Variants in AVL9 observed in about 807,000 individuals in gnomAD.
The protein encoded by AVL9 is late secretory pathway protein AVL9 homolog.
A neutral mutation model predicts 79.2 loss-of-function variants in AVL9; 49 were observed. The ratio of observed to expected loss-of-function variants is 0.62; its 90% CI spans 0.49 to 0.79. AVL9 has a LOEUF of 0.79. Ranked by LOEUF, AVL9 falls within the 30% of genes least tolerant of loss-of-function variation. The pLI is 0.00. For synonymous variants in AVL9, 299 were observed against 280.6 expected, an observed-to-expected ratio of 1.07 and a Z score of -0.65; for missense variants, 682 against 776.8, an observed-to-expected ratio of 0.88 and a Z score of 1.45.
chr7:32,574,841 G>C (rs908135366), intron 12 of AVL9, among the ~76,000 whole-genome samples: 1 of 152,116 alleles, frequency 6.6e-6, no homozygotes, highest in Non-Finnish European at 1.5e-5. Flanking sequence ...AGTGTTCTTA[G>C]AACAACTTCT....
chr7:32,519,167 G>A (rs893627030), intron 1 of AVL9, among the ~76,000 whole-genome samples: 1 of 152,140 alleles, frequency 6.6e-6, no homozygotes, highest in Non-Finnish European at 1.5e-5. Flanking sequence ...GGTGGCTCAC[G>A]CCTGTAACCC....
chr7:32,577,220 A>T (rs1321470377), intron 13 of AVL9, among the ~76,000 whole-genome samples: 1 of 152,136 alleles, frequency 6.6e-6, no homozygotes, highest in Non-Finnish European at 1.5e-5. Flanking sequence ...CTATAGTCCC[A>T]GCTATTTGGG....
intron 1 of AVL9, among the ~76,000 whole-genome samples, chr7:32,517,262 C>G (rs1005822707): frequency 1.3e-5 from 2 of 151,044 alleles, no homozygotes; most frequent in Non-Finnish European, 2.9e-5. Context: ...AGCCCAAACG[C>G]TTTTCAAGTT....
intron 1 of AVL9, among the ~76,000 whole-genome samples, chr7:32,531,323 T>G (rs1788636510): frequency 7.2e-6 from 1 of 138,626 alleles, no homozygotes; most frequent in African/African-American, 2.8e-5. Flanking sequence ...ATAAGTTTTC[T>G]TTTTCTTTCT....
intron 1 of AVL9, among the ~76,000 whole-genome samples, chr7:32,514,665 A>G (rs914047879): frequency 1.3e-5 from 2 of 152,150 alleles, no homozygotes; most frequent in Non-Finnish European, 2.9e-5. Flanking sequence ...AAGTGATGAC[A>G]TTACCTTGTG....
intron 2 of AVL9, 74 bp from the exon 3 acceptor site, chr7:32,544,620 A>T: frequency 9.8e-7 from 1 of 1,017,166 alleles, no homozygotes; most frequent in Non-Finnish European, 1.5e-6. Context: ...CTGCATTATG[A>T]TAGCTTCAGA....
intron 1 of AVL9, among the ~76,000 whole-genome samples, chr7:32,508,377 T>G (rs1373809370): frequency 6.6e-6 from 1 of 152,230 alleles, no homozygotes; most frequent in African/African-American, 2.4e-5. Flanking sequence ...TAATTTAAAA[T>G]TTGTAGTATC....
At chr7:32,562,507 T>C in intron 10 of AVL9, 1 of 476,688 alleles carries the variant, frequency 2.1e-6, no homozygotes, top group African/African-American at 2.1e-5. Context: ...TTGAAATTTT[T>C]TAATAACTTA....
At position 32,587,016 on chromosome 7, in the gene AVL9, A is replaced by G. The variant is rs1215519417; in HGVS notation, c.*3109A>G. The G allele has an allele frequency of 6.6e-6, 1 of 152,204 alleles. No homozygotes were observed. Among genetic ancestry groups the G allele is most frequent in the Non-Finnish European group, 1.5e-5 (1 of 68,062 alleles). The allele number at this position is 152,204 out of a possible 1,614,324, so 9.4% of individuals were successfully genotyped here. A position where few individuals can be genotyped will look rare whatever the true frequency, so the allele number is the denominator to read the frequency against. On this transcript the variant is annotated 3_prime_UTR_variant, in exon 16 of 16. Transcript: ENST00000318709. ...CCCCGCCAAGCACAGCCCTAAAACA[A>G]TTCTCGTCCACTTTCCTGTTAAGAA...
At chr7:32,578,535 T>C (rs1451084049) in intron 13 of AVL9, among the ~76,000 whole-genome samples, 1 of 152,198 alleles carries the variant, frequency 6.6e-6, no homozygotes, top group Non-Finnish European at 1.5e-5. Context: ...TGGCCAGGCC[T>C]GGTGGCTCAC....
chr7:32,530,253 T>C (rs1788590280), intron 1 of AVL9, among the ~76,000 whole-genome samples: 2 of 152,244 alleles, frequency 1.3e-5, no homozygotes, highest in African/African-American at 4.8e-5. Flanking sequence ...CAAAGTCTAA[T>C]ACATTTAAGA....
At chr7:32,510,593 T>G (rs1483992377) in intron 1 of AVL9, among the ~76,000 whole-genome samples, 2 of 125,690 alleles carry the variant, frequency 1.6e-5, no homozygotes, top group African/African-American at 6.2e-5. Context: ...TCAGGTCTGG[T>G]TGTAGGAGTC....
chr7:32,523,150 C>CAAAAAAAAAA (rs59565422), intron 1 of AVL9, among the ~76,000 whole-genome samples: 7 of 81,272 alleles, frequency 8.6e-5, no homozygotes, highest in Admixed American at 1.4e-4. Context: ...GGTAATTAAC[C>CAAAAAAAAAA]AAAAAAAAAA....
chr7:32,568,486 C>G (rs1436969347), intron 10 of AVL9, among the ~76,000 whole-genome samples: 1 of 152,162 alleles, frequency 6.6e-6, no homozygotes, highest in Non-Finnish European at 1.5e-5. Context: ...CAGGCATGAG[C>G]CACCATGCCC....
intron 13 of AVL9, among the ~76,000 whole-genome samples, chr7:32,577,855 A>C (rs1411381474): frequency 2.0e-5 from 3 of 152,194 alleles, no homozygotes; most frequent in African/African-American, 7.2e-5. Context: ...AATCATGCAG[A>C]TATGATAGTG....
At chr7:32,517,309 C>CTT (rs1054366807) in intron 1 of AVL9, among the ~76,000 whole-genome samples, 18 of 142,460 alleles carry the variant, frequency 1.3e-4, no homozygotes, top group African/African-American at 3.3e-4. Flanking sequence ...TTTTCTTTTT[C>CTT]TTTTTTTTTT....
chr7:32,511,756 G>A (rs1787685325), intron 1 of AVL9, among the ~76,000 whole-genome samples: 1 of 152,082 alleles, frequency 6.6e-6, no homozygotes, highest in Non-Finnish European at 1.5e-5. Flanking sequence ...CTGGAGAGGA[G>A]GCTGAGGGCA....
chr7:32,511,051 G>C (rs1787648309), intron 1 of AVL9, among the ~76,000 whole-genome samples: 1 of 142,968 alleles, frequency 7.0e-6, no homozygotes. Flanking sequence ...CGTCAGGTCT[G>C]GTTGTGGGAG....
At chr7:32,566,563 CT>C (rs1790579307) in intron 10 of AVL9, among the ~76,000 whole-genome samples, 1 of 614 alleles carries the variant, frequency 1.6e-3, no homozygotes, top group Non-Finnish European at 3.0e-3. Context: ...AAAAAGTTAC[CT>C]ACAATCTAGT....
Sources: gnomAD v4.1 joint callset for allele counts (sites outside exome capture counted in the v4.1 genomes callset) on GRCh38, gnomAD v4.1.1 for gene constraint, MANE v1.5 for transcripts, NCBI Gene and HGNC (gene_info 2026-07-23, HGNC 2026-07-21) for gene names.